The following MICU1 variants were observed in gnomAD, a reference collection of about 807,000 sequenced individuals.
MICU1 encodes the protein mitochondrial calcium uptake 1.
In MICU1, 45 loss-of-function variants were observed where a neutral mutation model predicts 56.8. The ratio of observed to expected loss-of-function variants is 0.79; its 90% confidence interval spans 0.62 to 1.02. The LOEUF is 1.02. MICU1 is among the 50% of genes least tolerant of loss of function. The probability of loss-of-function intolerance (pLI) is 0.00; values close to 1 mark genes in which losing one functional copy is unlikely to be tolerated. For missense variants in MICU1, 504 were observed against 587.1 expected, an observed-to-expected ratio of 0.86 and a Z score of 1.46; for synonymous variants, 186 against 195.1, an observed-to-expected ratio of 0.95 and a Z score of 0.39.
At chr10:72,413,752 A>G (rs1333699758) in intron 9 of MICU1, among the ~76,000 whole-genome samples, 2 of 152,048 alleles carry the variant, frequency 1.3e-5, no homozygotes, top group Non-Finnish European at 2.9e-5. Context: ...AAAAAAAAGG[A>G]CTTGTATCCA....
chr10:72,453,341 C>T (rs1277609016), intron 8 of MICU1, among the ~76,000 whole-genome samples: 3 of 151,968 alleles, frequency 2.0e-5, no homozygotes, highest in African/African-American at 7.3e-5. Context: ...AAGAATATAC[C>T]ACGATATTCT....
chr10:72,503,527 T>C (rs918129480), intron 6 of MICU1, among the ~76,000 whole-genome samples: 2 of 152,090 alleles, frequency 1.3e-5, no homozygotes, highest in African/African-American at 4.8e-5. Context: ...GCCCTCACAA[T>C]AATGAATTAT....
chr10:72,464,642 A>C (rs906819519), intron 8 of MICU1, among the ~76,000 whole-genome samples: 12 of 152,120 alleles, frequency 7.9e-5, no homozygotes, highest in African/African-American at 2.9e-4. Flanking sequence ...GTGTAAATGC[A>C]CTCTACGATG....
chr10:72,439,975 A>G (rs1352790238), intron 8 of MICU1, among the ~76,000 whole-genome samples: 1 of 152,216 alleles, frequency 6.6e-6, no homozygotes, highest in Non-Finnish European at 1.5e-5. Context: ...CATACTGCCC[A>G]AGGTAATTTA....
intron 5 of MICU1, among the ~76,000 whole-genome samples, chr10:72,527,367 G>T (rs7086765): frequency 0.62 from 93,954 of 151,468 alleles, 30,566 homozygotes; most frequent in African/African-American, 0.7. Flanking sequence ...TTTTGTTTTT[G>T]TTTTGTTTTG....
intron 4 of MICU1, among the ~76,000 whole-genome samples, chr10:72,548,636 G>C (rs1260357033): frequency 6.6e-6 from 1 of 152,000 alleles, no homozygotes; most frequent in East Asian, 1.9e-4. Flanking sequence ...TAAACATATG[G>C]GTTGATTATA....
Position 72,533,789 on chromosome 10 carries a change from T to C in MICU1, c.494A>G (p.His165Arg). The C allele has an allele frequency of 1.3e-6, 2 of 1,585,996 alleles. No individual in the cohort carries two copies. The highest frequency in any genetic ancestry group is 1.2e-5 in the South Asian group (1 of 85,642). Residue 165 changes from histidine to arginine, a missense_variant and splice_region_variant, in exon 5 of 12, where the codon CAC becomes CGC. His to Arg is a conservative substitution (Grantham distance 29). Transcript: ENST00000361114. ...SITPNEKQPE[H>R]LGLDQYIIKR... Reference sequence around the variant, plus strand: ...TATTATATATTGATCCAGACCCAAGTCTGTAAAAGAAAAGGAAAAAACATT... The same window carrying C: ...TATTATATATTGATCCAGACCCAAGCCTGTAAAAGAAAAGGAAAAAACATT...
intron 1 of MICU1, among the ~76,000 whole-genome samples, chr10:72,568,439 G>A (rs1840500532): frequency 6.6e-6 from 1 of 152,076 alleles, no homozygotes; most frequent in Admixed American, 6.6e-5. Context: ...ATGGAATGTG[G>A]ACCAGTTCCA....
chr10:72,421,999 A>G (rs7917581), intron 9 of MICU1, among the ~76,000 whole-genome samples: 98,400 of 151,926 alleles, frequency 0.65, 33,407 homozygotes, highest in African/African-American at 0.8. Flanking sequence ...CTTCACACAT[A>G]CCAGGTTTGT....
At chr10:72,508,002 A>G (rs1867312685) in intron 6 of MICU1, among the ~76,000 whole-genome samples, 153 bp downstream of exon 6, 1 of 152,224 alleles carries the variant, frequency 6.6e-6, no homozygotes, top group African/African-American at 2.4e-5. Context: ...CCCAAGTTAC[A>G]GTAAATTAAA....
intron 4 of MICU1, among the ~76,000 whole-genome samples, chr10:72,538,269 T>G (rs527402398): frequency 2.0e-5 from 3 of 152,058 alleles, no homozygotes; most frequent in Admixed American, 6.5e-5. Context: ...AGATCTGCAA[T>G]GTATATCACA....
At chr10:72,448,186 T>TAC (rs1420401334) in intron 8 of MICU1, among the ~76,000 whole-genome samples, 5 of 80,888 alleles carry the variant, frequency 6.2e-5, no homozygotes, top group African/African-American at 2.2e-4. Flanking sequence ...TATATATATA[T>TAC]ATATATATTT....
intron 1 of MICU1, among the ~76,000 whole-genome samples, chr10:72,584,443 T>A (rs1429352135): frequency 6.6e-6 from 1 of 152,222 alleles, no homozygotes. Context: ...TGTATTAATG[T>A]GTTCAGATCA....
chr10:72,472,561 T>A (rs1256708335), intron 8 of MICU1, among the ~76,000 whole-genome samples: 1 of 151,654 alleles, frequency 6.6e-6, no homozygotes, highest in Non-Finnish European at 1.5e-5. Context: ...TTGCTTCATG[T>A]AAAGGTATTG....
intron 10 of MICU1, among the ~76,000 whole-genome samples, chr10:72,383,450 C>T (rs1420713601): frequency 1.3e-5 from 2 of 152,092 alleles, no homozygotes; most frequent in African/African-American, 2.4e-5. Flanking sequence ...TCCCTTTTCC[C>T]ACAAAATGGT....
chr10:72,510,391 T>A (rs1867404035), intron 5 of MICU1, among the ~76,000 whole-genome samples: 1 of 152,170 alleles, frequency 6.6e-6, no homozygotes, highest in African/African-American at 2.4e-5. Context: ...ACATGCCACT[T>A]TGAAAGTAAA....
At chr10:72,422,977 C>T (rs1462156711) in intron 9 of MICU1, among the ~76,000 whole-genome samples, 7 of 136,968 alleles carry the variant, frequency 5.1e-5, no homozygotes, top group African/African-American at 1.1e-4. Flanking sequence ...CCATCTAAAC[C>T]GGTCTCTCCT....
intron 5 of MICU1, among the ~76,000 whole-genome samples, chr10:72,514,705 A>G (rs1867592612): frequency 1.3e-5 from 2 of 152,180 alleles, no homozygotes; most frequent in African/African-American, 4.8e-5. Flanking sequence ...ATGCTTACTT[A>G]GCAAGACCAT....
At chr10:72,584,876 A>G (rs187581332) in intron 1 of MICU1, among the ~76,000 whole-genome samples, 17 of 152,178 alleles carry the variant, frequency 1.1e-4, no homozygotes, top group African/African-American at 4.1e-4. Context: ...AAGAGCCATT[A>G]AAAAACTACA....
Sources: gnomAD v4.1 joint callset for allele counts (sites outside exome capture counted in the v4.1 genomes callset) on GRCh38, gnomAD v4.1.1 for gene constraint, MANE v1.5 for transcripts, NCBI Gene and HGNC (gene_info 2026-07-23, HGNC 2026-07-21) for gene names.